STAM2: variants seen among roughly 807,000 people sequenced by gnomAD.
The protein encoded by STAM2 is signal transducing adapter molecule 2.
STAM2 carries 51 observed loss-of-function variants against 65.6 expected under a neutral mutation model. The ratio of observed to expected loss-of-function variants is 0.78; its 90% CI spans 0.62 to 0.98. The LOEUF is 0.98. STAM2 is among the 50% of genes least tolerant of loss of function. The probability of loss-of-function intolerance (pLI) is 0.00; values close to 1 mark genes in which losing one functional copy is unlikely to be tolerated. For synonymous variants in STAM2, 198 were observed against 208.4 expected, an observed-to-expected ratio of 0.95 and a Z score of 0.43; for missense variants, 584 against 617.8, an observed-to-expected ratio of 0.95 and a Z score of 0.58.
intron 7 of STAM2, among the ~76,000 whole-genome samples, chr2:152,137,941 C>T (rs574670706): frequency 6.6e-6 from 1 of 152,276 alleles, no homozygotes; most frequent in Non-Finnish European, 1.5e-5. Context: ...TATTTCTAGA[C>T]TCCATTCTGT....
intron 2 of STAM2, among the ~76,000 whole-genome samples, chr2:152,149,378 A>C (rs1400056518): frequency 1.3e-5 from 2 of 152,148 alleles, no homozygotes; most frequent in African/African-American, 4.8e-5. Context: ...TTTATGTCCC[A>C]AAAGTAAAAC....
At position 152,133,579 on chromosome 2, in the gene STAM2, AAAAT is replaced by A. The variant is rs998772522; in HGVS notation, c.800-99_800-96del. ...GGCCTATGATTGTCCATAAGAAAAAAAAATAAAAGTCCTTCAAATATTCACCACA... is the reference window on the plus strand; with the variant it reads ...GGCCTATGATTGTCCATAAGAAAAAAAAAAGTCCTTCAAATATTCACCACA... On this transcript the variant is annotated intron_variant, in intron 8 of 13. Transcript: ENST00000263904. The A allele has an allele frequency of 9.9e-5, 85 of 860,722 alleles. 1 individual carries two copies. The highest frequency in any genetic ancestry group is 1.5e-4 in the Non-Finnish European group (79 of 542,852). The allele number at this position is 860,722 out of a possible 1,614,324, so 53.3% of individuals were successfully genotyped here.
At chr2:152,156,491 A>T (rs1210640983) in intron 1 of STAM2, among the ~76,000 whole-genome samples, 1 of 152,122 alleles carries the variant, frequency 6.6e-6, no homozygotes, top group African/African-American at 2.4e-5. Flanking sequence ...ACGCATAGAG[A>T]GGTAGAAAAT....
At chr2:152,127,475 A>G (rs1357689143) in intron 11 of STAM2, among the ~76,000 whole-genome samples, 1 of 152,164 alleles carries the variant, frequency 6.6e-6, no homozygotes, top group East Asian at 1.9e-4. Flanking sequence ...TCAATAAAAG[A>G]AAGTACCCAG....
rs76338098 is a variant in STAM2 at position 152,131,619 on chromosome 2, G to C, written c.1025+495C>G. On this transcript the variant is annotated intron_variant, in intron 11 of 13. Coordinates refer to ENST00000263904, the MANE Select transcript of STAM2 (RefSeq NM_005843.6). Reference sequence around the variant, plus strand: ...TCTAGGCTCCAACTTATGAAAAGTGGAAAGTATGTGCTGGGGTAAAAGTAG... The same window carrying C: ...TCTAGGCTCCAACTTATGAAAAGTGCAAAGTATGTGCTGGGGTAAAAGTAG... 931 of 167,572 alleles carry C rather than the reference G, an allele frequency of 5.6e-3. 12 individuals carry two copies. Among genetic ancestry groups the C allele is most frequent in the African/African-American group, 0.021 (895 of 42,206 alleles). 10.4% of individuals were successfully genotyped at this position (167,572 alleles called of 1,614,324 possible). A position where few individuals can be genotyped will look rare whatever the true frequency, so the allele number is the denominator to read the frequency against.
At chr2:152,128,744 C>T (rs964029206) in intron 11 of STAM2, among the ~76,000 whole-genome samples, 18 of 152,150 alleles carry the variant, frequency 1.2e-4, no homozygotes, top group African/African-American at 4.3e-4. Flanking sequence ...AACAAATCTA[C>T]CTAAACTTTT....
chr2:152,172,693 AC>A (rs1359515823), intron 1 of STAM2, among the ~76,000 whole-genome samples: 7 of 151,768 alleles, frequency 4.6e-5, no homozygotes, highest in African/African-American at 1.7e-4. Context: ...ACATGGTGAA[AC>A]CTCCATCTCT....
intron 6 of STAM2, 168 bp downstream of exon 6, chr2:152,144,720 G>A (rs1181484617): frequency 3.9e-6 from 2 of 508,982 alleles, no homozygotes; most frequent in African/African-American, 4.0e-5. Flanking sequence ...TGTACTTTTA[G>A]TAGAGATGGG....
chr2:152,145,785 A>T (rs1689328120), intron 5 of STAM2, among the ~76,000 whole-genome samples: 1 of 152,238 alleles, frequency 6.6e-6, no homozygotes, highest in Non-Finnish European at 1.5e-5. Context: ...AGAAGTAAGG[A>T]AGGTCATGCT....
At position 152,144,917 on chromosome 2, in the gene STAM2, T is replaced by A. The variant is rs1437151616; in HGVS notation, c.488A>T (p.Lys163Ile). Reference sequence around the variant, plus strand: ...AGCTATGTCTTCATCCTCTTTGTTTTTGTTCGATGACGTACCATTCTTGGC... The same window carrying A: ...AGCTATGTCTTCATCCTCTTTGTTTATGTTCGATGACGTACCATTCTTGGC... ...AAAKNGTSSN[K>I]NKEDEDIAKA... is the part of the protein sequence containing the mutation. The change falls in exon 6 of 14, where the codon AAA (lysine) becomes ATA (isoleucine). Residue 163 changes from lysine to isoleucine, a missense_variant. Lys to Ile is a moderately radical substitution (Grantham distance 102). Transcript: ENST00000263904. 1 of 1,613,960 alleles carries A rather than the reference T, an allele frequency of 6.2e-7. No individual in the cohort carries two copies. The highest frequency in any genetic ancestry group is 1.3e-5 in the African/African-American group (1 of 74,940).
At chr2:152,165,836 A>T (rs1158147735) in intron 1 of STAM2, among the ~76,000 whole-genome samples, 1 of 152,272 alleles carries the variant, frequency 6.6e-6, no homozygotes, top group Non-Finnish European at 1.5e-5. Flanking sequence ...TTTGAAAAAG[A>T]GAACATTCAT....
At chr2:152,130,547 G>C (rs879696669) in intron 11 of STAM2, among the ~76,000 whole-genome samples, 2 of 151,708 alleles carry the variant, frequency 1.3e-5, no homozygotes, top group Non-Finnish European at 2.9e-5. Context: ...CACTGCGCCT[G>C]GCCGCTCCTA....
chr2:152,123,894 C>T lies in STAM2; in HGVS notation c.1221G>A (p.Gln407=). The change falls in exon 13 of 14, where the codon CAG becomes CAA. Residue 407 remains glutamine (Q), a synonymous_variant. Coordinates refer to ENST00000263904, the MANE Select transcript of STAM2 (RefSeq NM_005843.6). ...GGGCAACAGTTACTTGGTGAATGCT[C>T]TGACCCATATAGTTTCCACCATGTG... ...VQSHGGNYMG[Q]SIHQVTVAQS... 6.2e-7 allele frequency: 1 copy of T among 1,614,132 alleles called. No homozygotes were observed. Among genetic ancestry groups the T allele is most frequent in the South Asian group, 1.1e-5 (1 of 91,082 alleles).
chr2:152,163,831 G>C (rs1305615032), intron 1 of STAM2, among the ~76,000 whole-genome samples: 1 of 152,152 alleles, frequency 6.6e-6, no homozygotes, highest in Non-Finnish European at 1.5e-5. Context: ...GTCTCCTGCA[G>C]TACCCTCAGG....
chr2:152,169,426 G>T (rs193020965), intron 1 of STAM2, among the ~76,000 whole-genome samples: 11 of 151,876 alleles, frequency 7.2e-5, no homozygotes, highest in African/African-American at 2.7e-4. Flanking sequence ...ACAGGTGCGC[G>T]CCACCATGCT....
chr2:152,147,766 GTA>G (rs1364486688), intron 4 of STAM2, among the ~76,000 whole-genome samples: 5 of 152,126 alleles, frequency 3.3e-5, no homozygotes, highest in Non-Finnish European at 7.4e-5. Context: ...CAACAAGACA[GTA>G]TATGTAAAAT....
rs754101201 is a variant in STAM2 at position 152,148,139 on chromosome 2, A to G, written c.202-17T>C. The G allele has an allele frequency of 3.1e-6, 5 of 1,590,218 alleles. No individual in the cohort carries two copies. ...CCCAAGAAGCTATTAATTGAAATAAAAATATATGAATATTGAAATATTAAC... is the reference window on the plus strand; with the variant it reads ...CCCAAGAAGCTATTAATTGAAATAAGAATATATGAATATTGAAATATTAAC... On this transcript the variant is annotated splice_polypyrimidine_tract_variant and intron_variant, in intron 3 of 13. Coordinates refer to ENST00000263904, the MANE Select transcript of STAM2 (RefSeq NM_005843.6).
rs576950024 is a variant in STAM2 at position 152,147,421 on chromosome 2, A to C, written c.301-113T>G. 1.1e-5 allele frequency: 11 copies of C among 1,038,100 alleles called. No homozygotes were observed. In the East Asian group the frequency reaches 3.1e-4, roughly 29 times the overall value. The allele number at this position is 1,038,100 out of a possible 1,614,324, so 64.3% of individuals were successfully genotyped here. A position where few individuals can be genotyped will look rare whatever the true frequency, so the allele number is the denominator to read the frequency against. On this transcript the variant is annotated intron_variant, in intron 4 of 13. Coordinates refer to ENST00000263904, the MANE Select transcript of STAM2 (RefSeq NM_005843.6). The stretch of plus-strand genomic sequence containing the variant: ...ATTCTCTTTAATTATATGAACATCA[A>C]CAAAAGTCCTGAAATTTCTAGCCTA...
chr2:152,146,382 G>A (rs1450500640), intron 5 of STAM2, among the ~76,000 whole-genome samples: 1 of 151,780 alleles, frequency 6.6e-6, no homozygotes, highest in Non-Finnish European at 1.5e-5. Flanking sequence ...AATATTAATG[G>A]GAAGGAATAA....
Sources: gnomAD v4.1 joint callset for allele counts (sites outside exome capture counted in the v4.1 genomes callset) on GRCh38, gnomAD v4.1.1 for gene constraint, MANE v1.5 for transcripts, NCBI Gene and HGNC (gene_info 2026-07-23, HGNC 2026-07-21) for gene names.